Variants in MCC observed in about 807,000 individuals in gnomAD.
MCC encodes the protein colorectal mutant cancer protein.
In MCC, 90 loss-of-function variants were observed where a neutral mutation model predicts 116.2. That is an observed-to-expected ratio of 0.77 (90% CI 0.65 to 0.92). MCC has a LOEUF of 0.92. Among genes scored for constraint, MCC ranks in the 40% least tolerant of loss-of-function variants. MCC has a pLI of 0.00. For synonymous variants in MCC, 578 were observed against 510.5 expected (o/e 1.13, Z -1.78); for missense variants, 1,516 against 1,312.2 (o/e 1.16, Z -2.40).
intron 8 of MCC, among the ~76,000 whole-genome samples, chr5:113,085,588 T>C (rs545495320): frequency 6.6e-6 from 1 of 152,208 alleles, no homozygotes; most frequent in Non-Finnish European, 1.5e-5. Flanking sequence ...AGAGTCACCA[T>C]ATTCTTAACG....
intron 1 of MCC, among the ~76,000 whole-genome samples, chr5:113,408,860 G>T (rs1769905117): frequency 6.6e-6 from 1 of 152,170 alleles, no homozygotes; most frequent in South Asian, 2.1e-4. Context: ...CCAGGCTTCA[G>T]GGCAGATGGC....
chr5:113,291,906 G>A (rs186610336), intron 3 of MCC, among the ~76,000 whole-genome samples: 160 of 152,286 alleles, frequency 1.1e-3, no homozygotes, highest in Non-Finnish European at 4.7e-4. Flanking sequence ...AAATTGAACT[G>A]AGATTTAGGG....
intron 3 of MCC, among the ~76,000 whole-genome samples, chr5:113,322,360 G>A (rs918958619): frequency 2.6e-5 from 4 of 151,994 alleles, no homozygotes; most frequent in Non-Finnish European, 5.9e-5. Context: ...ATTTCTGCAT[G>A]AAAACTTCTT....
At position 113,440,817 on chromosome 5, in the gene MCC, A is replaced by T. The variant is rs74860757; in HGVS notation, c.170+47428T>A. On this transcript the variant is annotated intron_variant, in intron 1 of 18. Coordinates refer to ENST00000408903, the MANE Select transcript of MCC (RefSeq NM_001085377.2). ...AAGAAAAAGAAAGAAATCGGGGATT[A>T]TATCAGAAGTTTAACAATGCATATA... Among the ~76,000 whole-genome samples the T allele has an allele frequency of 8.5e-3, 1,297 of 152,332 alleles. 21 individuals carry two copies. The highest frequency in any genetic ancestry group is 0.03 in the African/African-American group (1,243 of 41,580).
chr5:113,048,858 G>A (rs948702664), intron 16 of MCC: 6 of 587,582 alleles, frequency 1.0e-5, no homozygotes, highest in Non-Finnish European at 6.1e-6. Flanking sequence ...TGATGTGACT[G>A]TGATATGTGA....
At chr5:113,215,395 A>T (rs1277545315) in intron 3 of MCC, among the ~76,000 whole-genome samples, 1 of 152,214 alleles carries the variant, frequency 6.6e-6, no homozygotes, top group Non-Finnish European at 1.5e-5. Context: ...TCCTTAGCAT[A>T]GTGCTGGCTA....
intron 3 of MCC, among the ~76,000 whole-genome samples, chr5:113,259,241 C>T (rs1433972040): frequency 6.6e-6 from 1 of 152,150 alleles, no homozygotes; most frequent in Non-Finnish European, 1.5e-5. Flanking sequence ...CATTTATTTG[C>T]CATTCTCAGT....
In MCC at chr5:113,144,342, A is replaced by AACAAGTAGCCTAGCTTGCG. The variant is rs1759363129; in HGVS notation, c.742-1001_742-983dup. 2.0e-5 allele frequency among the ~76,000 whole-genome samples: 3 copies of AACAAGTAGCCTAGCTTGCG among 152,222 alleles called. No homozygotes were observed. The South Asian group carries it at 6.2e-4, about 31-fold the overall frequency. ...ATAATAAAATACTCCTCAGTGATGG[A>AACAAGTAGCCTAGCTTGCG]ACAAGTAGCCTAGCTTGCGTCCTTG... On this transcript the variant is annotated intron_variant, in intron 4 of 18. Coordinates refer to ENST00000408903, the MANE Select transcript of MCC (RefSeq NM_001085377.2).
intron 5 of MCC, among the ~76,000 whole-genome samples, chr5:113,136,170 G>C (rs183536272): frequency 1.2e-3 from 182 of 152,318 alleles, no homozygotes; most frequent in Middle Eastern, 3.4e-3. Flanking sequence ...GCTATAGCTG[G>C]TTACAGGCTA....
intron 1 of MCC, among the ~76,000 whole-genome samples, chr5:113,428,277 A>G (rs1561565591): frequency 2.0e-5 from 3 of 152,142 alleles, no homozygotes; most frequent in Non-Finnish European, 2.9e-5. Flanking sequence ...TGTATAACTA[A>G]TATCTACAGA....
At chr5:113,271,757 C>A (rs976219363) in intron 3 of MCC, among the ~76,000 whole-genome samples, 20 of 152,276 alleles carry the variant, frequency 1.3e-4, no homozygotes, top group African/African-American at 4.8e-4. Context: ...GGAGTAGGTT[C>A]CTCAGAAAAG....
chr5:113,164,135 T>C (rs1257673893), intron 3 of MCC, among the ~76,000 whole-genome samples: 1 of 151,982 alleles, frequency 6.6e-6, no homozygotes, highest in Non-Finnish European at 1.5e-5. Flanking sequence ...AATCTAGGAG[T>C]TGGAAAGATC....
chr5:113,415,244 C>T (rs1219326688), intron 1 of MCC, among the ~76,000 whole-genome samples: 2 of 152,056 alleles, frequency 1.3e-5, no homozygotes, highest in African/African-American at 4.8e-5. Flanking sequence ...AATTATGTGT[C>T]TTGGGGTTGC....
At chr5:113,117,940 G>GTC (rs1757488233) in intron 6 of MCC, among the ~76,000 whole-genome samples, 1 of 152,178 alleles carries the variant, frequency 6.6e-6, no homozygotes. Context: ...GACCTCAAAG[G>GTC]ACTGCAGTAA....
intron 3 of MCC, among the ~76,000 whole-genome samples, chr5:113,192,815 A>T (rs1401460756): frequency 6.6e-6 from 1 of 152,256 alleles, no homozygotes; most frequent in Non-Finnish European, 1.5e-5. Flanking sequence ...TCAAACAAGG[A>T]AGAACCTACT....
At chr5:113,274,139 CG>C (rs1257474521) in intron 3 of MCC, among the ~76,000 whole-genome samples, 2 of 152,202 alleles carry the variant, frequency 1.3e-5, no homozygotes, top group Non-Finnish European at 2.9e-5. Flanking sequence ...ACTTCAGTCA[CG>C]CCATCAGACA....
intron 6 of MCC, among the ~76,000 whole-genome samples, chr5:113,120,770 T>A (rs1757689893): frequency 6.6e-6 from 1 of 152,034 alleles, no homozygotes; most frequent in African/African-American, 2.4e-5. Flanking sequence ...AATGACAGAG[T>A]CAACAGTTAT....
At chr5:113,381,849 C>A (rs7731231) in intron 2 of MCC, among the ~76,000 whole-genome samples, 26,186 of 152,028 alleles carry the variant, frequency 0.17, 2,467 homozygotes, top group Non-Finnish European at 0.22. Context: ...GAATGTAACC[C>A]CAAGGCACCT....
chr5:113,156,284 A>G (rs982774276), intron 3 of MCC, among the ~76,000 whole-genome samples: 4 of 152,208 alleles, frequency 2.6e-5, no homozygotes, highest in African/African-American at 9.7e-5. Context: ...AATCTTATCT[A>G]TGCCACTTGT....
Sources: gnomAD v4.1 joint callset for allele counts (sites outside exome capture counted in the v4.1 genomes callset) on GRCh38, gnomAD v4.1.1 for gene constraint, MANE v1.5 for transcripts, NCBI Gene and HGNC (gene_info 2026-07-23, HGNC 2026-07-21) for gene names.